SAMMSON: variants seen among roughly 807,000 people sequenced by gnomAD.
SAMMSON encodes survival associated mitochondrial melanoma specific oncogenic non-coding RNA.
chr3:70,283,753 G>T (rs1051605059), intron 6 of SAMMSON: 2 of 148,102 alleles, frequency 1.4e-5, no homozygotes, highest in Non-Finnish European at 3.0e-5. Context: ...AGAATAAAGA[G>T]TATGTAATGC....
At chr3:70,187,232 A>G (rs1043998648) in intron 4 of SAMMSON, among the ~76,000 whole-genome samples, 1 of 152,138 alleles carries the variant, frequency 6.6e-6, no homozygotes, top group African/African-American at 2.4e-5. Flanking sequence ...CAATTTCATT[A>G]AAGGGTGCCT....
intron 3 of SAMMSON, among the ~76,000 whole-genome samples, chr3:70,037,816 T>A (rs2067091900): frequency 6.6e-6 from 1 of 152,152 alleles, no homozygotes; most frequent in Non-Finnish European, 1.5e-5. Flanking sequence ...TCAATTGACC[T>A]AAGGTGACAT....
At chr3:70,017,556 C>T (rs2066991407) in intron 3 of SAMMSON, among the ~76,000 whole-genome samples, 1 of 152,074 alleles carries the variant, frequency 6.6e-6, no homozygotes, top group African/African-American at 2.4e-5. Flanking sequence ...TCCTCTTTTC[C>T]TAATTGACTA....
At chr3:70,216,321 T>TTA (rs144981154) in intron 4 of SAMMSON, among the ~76,000 whole-genome samples, 19 of 149,902 alleles carry the variant, frequency 1.3e-4, no homozygotes, top group South Asian at 2.1e-4. Flanking sequence ...TAATTATAAT[T>TTA]TATATATATA....
intron 4 of SAMMSON, among the ~76,000 whole-genome samples, chr3:70,110,262 G>T (rs1183183160): frequency 6.6e-6 from 1 of 152,180 alleles, no homozygotes; most frequent in Non-Finnish European, 1.5e-5. Context: ...ACCAGCTATT[G>T]TTTGGCACAT....
chr3:70,137,266 T>C (rs1405245041), intron 4 of SAMMSON, among the ~76,000 whole-genome samples: 1 of 152,190 alleles, frequency 6.6e-6, no homozygotes, highest in Admixed American at 6.5e-5. Context: ...ATAGTACAGA[T>C]AGGTCTAATT....
intron 4 of SAMMSON, among the ~76,000 whole-genome samples, chr3:70,243,010 C>T (rs890061805): frequency 6.6e-6 from 1 of 152,114 alleles, no homozygotes; most frequent in Non-Finnish European, 1.5e-5. Flanking sequence ...ACGATATAAC[C>T]GTTTTGTGAC....
At chr3:70,433,405 T>C (rs908463952) in intron 2 of SAMMSON, among the ~76,000 whole-genome samples, 1 of 152,166 alleles carries the variant, frequency 6.6e-6, no homozygotes, top group Non-Finnish European at 1.5e-5. Flanking sequence ...CCTGATAGTA[T>C]TCAATGGTGA....
chr3:70,116,284 G>A (rs866050861), intron 4 of SAMMSON, among the ~76,000 whole-genome samples: 1 of 113,430 alleles, frequency 8.8e-6, no homozygotes, highest in African/African-American at 3.5e-5. Flanking sequence ...GGAGAAGGGC[G>A]ATGCTTTCTT....
At chr3:70,332,249 G>A (rs1382662529) in intron 7 of SAMMSON, among the ~76,000 whole-genome samples, 5 of 152,152 alleles carry the variant, frequency 3.3e-5, no homozygotes, top group Admixed American at 6.5e-5. Context: ...TCAGATTTGT[G>A]TTTTGTTTTT....
At chr3:70,231,274 G>A (rs1701557523) in intron 4 of SAMMSON, among the ~76,000 whole-genome samples, 1 of 152,126 alleles carries the variant, frequency 6.6e-6, no homozygotes, top group African/African-American at 2.4e-5. Context: ...GGCGGCACAC[G>A]TTCGCTTAAG....
chr3:70,000,575 A>C (rs2066901963), intron 1 of SAMMSON, among the ~76,000 whole-genome samples: 1 of 152,228 alleles, frequency 6.6e-6, no homozygotes, highest in South Asian at 2.1e-4. Context: ...AAATAGCAGG[A>C]GTGTATAAAA....
At chr3:70,073,879 T>C (rs72935463) in intron 4 of SAMMSON, among the ~76,000 whole-genome samples, 1,889 of 152,182 alleles carry the variant, frequency 0.012, 33 homozygotes, top group African/African-American at 0.042. Context: ...CTGTGTCTTC[T>C]TTTATTAAAA....
At chr3:70,038,062 G>GT (rs2067092715) in intron 3 of SAMMSON, among the ~76,000 whole-genome samples, 1 of 151,684 alleles carries the variant, frequency 6.6e-6, no homozygotes, top group African/African-American at 2.4e-5. Flanking sequence ...TATTTGTGAT[G>GT]GTTTTTTGTT....
intron 4 of SAMMSON, among the ~76,000 whole-genome samples, chr3:70,235,209 T>C (rs562913508): frequency 6.6e-6 from 1 of 152,320 alleles, no homozygotes; most frequent in African/African-American, 2.4e-5. Context: ...AAGATGTGTC[T>C]TCATCAACCG....
chr3:70,298,035 A>G (rs1702306480), intron 7 of SAMMSON, among the ~76,000 whole-genome samples: 1 of 152,114 alleles, frequency 6.6e-6, no homozygotes, highest in African/African-American at 2.4e-5. Context: ...GTCACATCTA[A>G]GATTGACAAT....
intron 4 of SAMMSON, among the ~76,000 whole-genome samples, chr3:70,102,958 A>G (rs1174576798): frequency 1.3e-5 from 2 of 152,274 alleles, no homozygotes; most frequent in South Asian, 2.1e-4. Flanking sequence ...TTGATAGCCA[A>G]TTTGGAAAAC....
intron 6 of SAMMSON, among the ~76,000 whole-genome samples, chr3:70,285,190 A>C (rs189260218): frequency 7.0e-6 from 1 of 143,258 alleles, no homozygotes; most frequent in Non-Finnish European, 1.5e-5. Context: ...TATACCTCCC[A>C]ATGCTATCCC....
chr3:70,397,040 T>A (rs906429063), intron 2 of SAMMSON, among the ~76,000 whole-genome samples: 6 of 152,190 alleles, frequency 3.9e-5, no homozygotes, highest in African/African-American at 1.4e-4. Flanking sequence ...GATCCTTATA[T>A]AAATTCAGAA....
Sources: allele counts gnomAD v4.1 joint callset (sites outside exome capture counted in the v4.1 genomes callset), GRCh38; gene constraint gnomAD v4.1.1; transcripts MANE v1.5; gene names NCBI Gene and HGNC (gene_info 2026-07-23, HGNC 2026-07-21).